The following ANXA3 variants were observed in gnomAD, a reference collection of about 807,000 sequenced individuals.
The protein encoded by ANXA3 is annexin A3.
ANXA3 carries 46 observed loss-of-function variants against 48.8 expected under a neutral mutation model. The ratio of observed to expected loss-of-function variants is 0.94; its 90% CI spans 0.74 to 1.21. The LOEUF (loss-of-function observed/expected upper bound fraction) is 1.21, where lower values mean the gene tolerates loss of function less well. ANXA3 is among the 50% of genes most tolerant of loss of function. ANXA3 has a pLI of 0.00. For synonymous variants in ANXA3, 128 were observed against 134.7 expected, an observed-to-expected ratio of 0.95 and a Z score of 0.35; for missense variants, 383 against 378.6, an observed-to-expected ratio of 1.01 and a Z score of -0.10.
chr4:78,607,917 A>G (rs1202748701), intron 12 of ANXA3, among the ~76,000 whole-genome samples: 4 of 152,156 alleles, frequency 2.6e-5, no homozygotes, highest in Admixed American at 1.3e-4. Context: ...TGCTCTAGAG[A>G]CAGATATGGG....
intron 6 of ANXA3, 139 bp from the exon 7 acceptor site, chr4:78,591,405 T>G: frequency 1.6e-6 from 1 of 610,674 alleles, no homozygotes; most frequent in Non-Finnish European, 2.9e-6. Flanking sequence ...CAGAAAAGCA[T>G]GAAGAAATTA....
In ANXA3 at chr4:78,583,098, G is replaced by A. The variant is rs7682725; in HGVS notation, c.312+808G>A. ...TCTTGCCTGTAATCCCAATACTTTG[G>A]GAGGCCAAGGTAGGTAGATTGCTTG... On this transcript the variant is annotated intron_variant, in intron 5 of 12. Transcript: ENST00000264908. 8.9e-3 allele frequency among the ~76,000 whole-genome samples: 1,357 copies of A among 152,264 alleles called. 27 individuals carry two copies. Among genetic ancestry groups the A allele is most frequent in the African/African-American group, 0.03 (1,254 of 41,532 alleles).
intron 5 of ANXA3, among the ~76,000 whole-genome samples, chr4:78,585,080 TGGTAGACCCAAA>T (rs1723144925): frequency 1.3e-5 from 2 of 152,242 alleles, no homozygotes; most frequent in African/African-American, 4.8e-5. Flanking sequence ...GTGTGAACTT[TGGTAGACCCAAA>T]GGTGTGGCAG....
intron 6 of ANXA3, among the ~76,000 whole-genome samples, chr4:78,589,090 G>A (rs1258274860): frequency 6.6e-6 from 1 of 152,134 alleles, no homozygotes; most frequent in Non-Finnish European, 1.5e-5. Flanking sequence ...AGCTTTATGA[G>A]GATGAGGATT....
At chr4:78,582,114 G>A (rs1231541425) in intron 4 of ANXA3, 63 bp from the exon 5 acceptor site, 4 of 1,033,130 alleles carry the variant, frequency 3.9e-6, no homozygotes, top group African/African-American at 3.2e-5. Context: ...TCTTTCACTA[G>A]GTGACTTTAG....
chr4:78,570,362 C>A (rs1722819459), intron 2 of ANXA3, among the ~76,000 whole-genome samples: 2 of 152,170 alleles, frequency 1.3e-5, no homozygotes, highest in South Asian at 2.1e-4. Context: ...GGAGTGCAAA[C>A]CCTGAGTTTT....
At chr4:78,569,713 G>A (rs565215582) in intron 2 of ANXA3, among the ~76,000 whole-genome samples, 1 of 152,288 alleles carries the variant, frequency 6.6e-6, no homozygotes, top group South Asian at 2.1e-4. Flanking sequence ...CACATTCCCG[G>A]GTGATGCTGA....
rs1234653685 is a variant in ANXA3, at chr4:78,604,381, C to G, written c.894C>G (p.Ser298=). The G allele has an allele frequency of 6.2e-7, 1 of 1,611,226 alleles. No homozygotes were observed. Among genetic ancestry groups the G allele is most frequent in the African/African-American group, 1.3e-5 (1 of 74,832 alleles). The change falls in exon 12 of 13, where the codon TCC becomes TCG. Residue 298 remains serine, a synonymous_variant. Transcript: ENST00000264908. ...AGTTCAAGAAGCATTATGGCTATTC[C>G]CTATATTCAGCAATTAAAGTAAGTC... is the stretch of plus-strand genomic sequence containing the variant. ...RTEFKKHYGY[S]LYSAIKSDTS...
intron 3 of ANXA3, among the ~76,000 whole-genome samples, chr4:78,577,814 G>C (rs10023165): frequency 1.3e-5 from 2 of 152,044 alleles, no homozygotes; most frequent in African/African-American, 2.4e-5. Context: ...TCCCAAACCA[G>C]GTATCATCGT....
chr4:78,567,075 TC>T (rs1484103065), intron 2 of ANXA3, among the ~76,000 whole-genome samples: 1 of 152,188 alleles, frequency 6.6e-6, no homozygotes, highest in Non-Finnish European at 1.5e-5. Context: ...TGCATCATCT[TC>T]CATAGGCACA....
At chr4:78,594,524 G>C (rs188211096) in intron 7 of ANXA3, among the ~76,000 whole-genome samples, 39 of 152,332 alleles carry the variant, frequency 2.6e-4, no homozygotes, top group Admixed American at 7.8e-4. Flanking sequence ...AGTTCCTGTT[G>C]CTCCACATTC....
intron 2 of ANXA3, among the ~76,000 whole-genome samples, chr4:78,565,789 A>C (rs897947570): frequency 2.0e-5 from 3 of 152,258 alleles, no homozygotes; most frequent in African/African-American, 7.2e-5. Flanking sequence ...AGGTATATGT[A>C]AAATACAAGT....
chr4:78,561,032 G>A (rs1546178), intron 2 of ANXA3, among the ~76,000 whole-genome samples: 96,884 of 152,062 alleles, frequency 0.64, 31,559 homozygotes, highest in Non-Finnish European at 0.72. Context: ...TTTTTCATAT[G>A]TGGGAAAAAT....
intron 2 of ANXA3, among the ~76,000 whole-genome samples, chr4:78,562,335 C>T (rs1443090239): frequency 6.6e-6 from 1 of 152,218 alleles, no homozygotes; most frequent in Non-Finnish European, 1.5e-5. Context: ...TCTATCCCTT[C>T]ATTATCAGAT....
At chr4:78,602,429 A>G (rs1218025469) in intron 11 of ANXA3, 1 of 152,152 alleles carries the variant, frequency 6.6e-6, no homozygotes, top group Non-Finnish European at 1.5e-5. Context: ...CATTATTTTC[A>G]CTGCTTCACA....
chr4:78,596,285 G>A (rs1723422681), intron 9 of ANXA3, among the ~76,000 whole-genome samples: 1 of 152,238 alleles, frequency 6.6e-6, no homozygotes, highest in African/African-American at 2.4e-5. Context: ...GTGAGTCTCT[G>A]TTGACACATC....
At chr4:78,579,168 C>T (rs746644181) in intron 4 of ANXA3, 47 bp downstream of exon 4, 3 of 1,334,694 alleles carry the variant, frequency 2.2e-6, no homozygotes, top group South Asian at 1.2e-5. Flanking sequence ...CATTAATGTA[C>T]CATGGTCGCT....
intron 2 of ANXA3, among the ~76,000 whole-genome samples, chr4:78,568,981 A>G (rs1051950524): frequency 3.3e-5 from 5 of 152,254 alleles, no homozygotes; most frequent in Non-Finnish European, 7.3e-5. Flanking sequence ...ATCTGTGAAA[A>G]GGATTTATTA....
At chr4:78,558,762 A>C (rs570511612) in intron 2 of ANXA3, among the ~76,000 whole-genome samples, 2 of 152,322 alleles carry the variant, frequency 1.3e-5, no homozygotes, top group East Asian at 3.9e-4. Context: ...ACCCTTGATG[A>C]AAGGGCCTGA....
Sources: gnomAD v4.1 joint callset for allele counts (sites outside exome capture counted in the v4.1 genomes callset) on GRCh38, gnomAD v4.1.1 for gene constraint, MANE v1.5 for transcripts, NCBI Gene and HGNC (gene_info 2026-07-23, HGNC 2026-07-21) for gene names.